The following RENBP variants were observed in gnomAD, a reference collection of about 807,000 sequenced individuals.
RENBP encodes N-acylglucosamine 2-epimerase.
In RENBP, 16 loss-of-function variants were observed where a neutral mutation model predicts 37.8. The ratio of observed to expected loss-of-function variants is 0.42; its 90% CI spans 0.29 to 0.64. RENBP has a LOEUF of 0.64. RENBP is among the 30% of genes least tolerant of loss of function. The probability of loss-of-function intolerance (pLI) is 0.19; values close to 1 mark genes in which losing one functional copy is unlikely to be tolerated. For missense variants in RENBP, 347 were observed against 379.5 expected, an observed-to-expected ratio of 0.91 and a Z score of 0.71; for synonymous variants, 170 against 154.8, an observed-to-expected ratio of 1.10 and a Z score of -0.73.
In RENBP at chrX:153,942,873, C is replaced by A; in HGVS notation, c.669G>T (p.Arg223Ser). ...YAELGDWCAR[R>S]ILQHVQRDGQ... ...CCCCCACCTGCACGTGCTGCAGAATCCTCCGGGCGCACCAGTCCCCCAGCT... is the reference window on the plus strand; with the variant it reads ...CCCCCACCTGCACGTGCTGCAGAATACTCCGGGCGCACCAGTCCCCCAGCT... Residue 223 changes from arginine to serine, a missense_variant, in exon 6 of 11, where the codon AGG becomes AGT. Around this residue, in one of 3 missense-constraint regions of RENBP, gnomAD observed 244 missense variants for 279.4 expected, o/e 0.87. Transcript: ENST00000393700. 2 of 1,191,662 alleles carry A rather than the reference C, an allele frequency of 1.7e-6. No homozygotes were observed. The highest frequency in any genetic ancestry group is 2.3e-6 in the Non-Finnish European group (2 of 881,943).
chrX:153,936,398 C>T (rs2065202286), intron 9 of RENBP, among the ~76,000 whole-genome samples: 1 of 101,553 alleles, frequency 9.8e-6, no homozygotes, highest in Non-Finnish European at 2.0e-5. Flanking sequence ...CCCAGCTACT[C>T]GGGAGGCTGA....
intron 9 of RENBP, among the ~76,000 whole-genome samples, chrX:153,936,505 CAAAA>C (rs782037368): frequency 2.8e-5 from 1 of 35,754 alleles, no homozygotes. Context: ...GACTCCGTCT[CAAAA>C]AAAAAAAAAA....
chrX:153,942,223 A>C, intron 6 of RENBP, 192 bp from the exon 7 acceptor site: 1 of 238,756 alleles, frequency 4.2e-6, no homozygotes, highest in Non-Finnish European at 7.1e-6. Flanking sequence ...GGGCCTAGCA[A>C]GTTGTTGTTT....
chrX:153,936,512 A>G (rs2065203383), intron 9 of RENBP, among the ~76,000 whole-genome samples: 1 of 109,311 alleles, frequency 9.1e-6, no homozygotes, highest in Non-Finnish European at 1.9e-5. Context: ...TCTCAAAAAA[A>G]AAAAAAAAAA....
chrX:153,944,588 C>A lies in RENBP; in HGVS notation c.23G>T (p.Arg8Leu). 8.6e-7 allele frequency: 1 copy of A among 1,168,114 alleles called. No individual in the cohort carries two copies. The highest frequency in any genetic ancestry group is 1.1e-6 in the Non-Finnish European group (1 of 873,116). The change falls in exon 1 of 11, where the codon CGA (arginine) becomes CTA (leucine). Residue 8 changes from arginine to leucine, a missense_variant. Around this residue, in one of 3 missense-constraint regions of RENBP, gnomAD observed 244 missense variants for 279.4 expected, o/e 0.87. Transcript: ENST00000393700. MSKGLPA[R>L]QDMEKERETL... ...CCCAAGCACCCCACCACTGGCCTGTCGCGCTGGGAGACCCTTGCTCATCCC... is the reference window on the plus strand; with the variant it reads ...CCCAAGCACCCCACCACTGGCCTGTAGCGCTGGGAGACCCTTGCTCATCCC...
intron 2 of RENBP, 50 bp downstream of exon 2, chrX:153,944,259 C>T: frequency 8.5e-7 from 1 of 1,177,348 alleles, no homozygotes. Context: ...GAGAAGGGGC[C>T]TCAGGAAGGG....
At chrX:153,939,709 C>G (rs1209874048) in intron 9 of RENBP, among the ~76,000 whole-genome samples, 1 of 111,033 alleles carries the variant, frequency 9.0e-6, no homozygotes, top group East Asian at 2.8e-4. Flanking sequence ...CTGCCAGGCC[C>G]CCCTGCTGTG....
chrX:153,942,571 T>C (rs1557109744), intron 6 of RENBP: 4 of 386,690 alleles, frequency 1.0e-5, no homozygotes, highest in Non-Finnish European at 1.3e-5. Context: ...ACTTCTGGCC[T>C]GATCCTCTCC....
chrX:153,943,147 G>T, intron 5 of RENBP, 68 bp from the exon 6 acceptor site: 1 of 848,355 alleles, frequency 1.2e-6, no homozygotes, highest in Non-Finnish European at 1.6e-6. Flanking sequence ...CCTGGACACG[G>T]CCCTGGGGTG....
intron 9 of RENBP, among the ~76,000 whole-genome samples, chrX:153,938,534 C>G (rs2065212385): frequency 1.9e-5 from 2 of 105,050 alleles, no homozygotes; most frequent in African/African-American, 8.0e-5. Flanking sequence ...GGCCTTGCCA[C>G]CACTGGGTGC....
chrX:153,937,607 AATTT>A (rs1370191194), intron 9 of RENBP, among the ~76,000 whole-genome samples: 2 of 109,480 alleles, frequency 1.8e-5, no homozygotes, highest in African/African-American at 6.7e-5. Flanking sequence ...AAGCCCGGCT[AATTT>A]ATTTATTTAT....
Position 153,940,243 on chromosome X carries a change from G to C in RENBP, c.946-10C>G, listed in dbSNP as rs1569546432. ...TCATGGCCCACTCCAGCTGAGGGGA[G>C]AGCAGGGGCAGGCATCTCAGCAGGA... On this transcript the variant is annotated splice_polypyrimidine_tract_variant and intron_variant, in intron 8 of 10. Coordinates refer to ENST00000393700, the MANE Select transcript of RENBP (RefSeq NM_002910.6). The C allele has an allele frequency of 8.3e-7, 1 of 1,210,475 alleles. No individual in the cohort carries two copies. The highest frequency in any genetic ancestry group is 3.0e-5 in the East Asian group (1 of 33,821).
chrX:153,944,048 G>A (rs1557110135), intron 3 of RENBP, 32 bp downstream of exon 3: 1 of 1,206,389 alleles, frequency 8.3e-7, no homozygotes, highest in Non-Finnish European at 1.1e-6. Context: ...GATGGGCCGT[G>A]TGCCTGAGCT....
chrX:153,935,282 G>T lies in RENBP; in HGVS notation c.*4C>A. 2.5e-6 allele frequency: 2 copies of T among 805,113 alleles called. No homozygotes were observed. Among genetic ancestry groups the T allele is most frequent in the South Asian group, 6.3e-5 (2 of 31,547 alleles). 66.4% of individuals were successfully genotyped at this position (805,113 alleles called of 1,213,427 possible). On this transcript the variant is annotated 3_prime_UTR_variant, in exon 11 of 11. Coordinates refer to ENST00000393700, the MANE Select transcript of RENBP (RefSeq NM_002910.6). ...CACAGCCGCAGGTGGAGCGGACTCA[G>T]CCTTTATTCCGCGCCTCGGCAGGCG...
intron 6 of RENBP, 26 bp from the exon 7 acceptor site, chrX:153,942,057 G>A: frequency 1.8e-6 from 2 of 1,131,910 alleles, no homozygotes; most frequent in Non-Finnish European, 2.4e-6. Flanking sequence ...AGAAGGGAAT[G>A]TTGCCTCCAG....
chrX:153,944,280 G>T (rs782025635), intron 2 of RENBP, 29 bp downstream of exon 2: 8 of 1,181,422 alleles, frequency 6.8e-6, no homozygotes, highest in Non-Finnish European at 1.2e-6. Flanking sequence ...CAAAAACCCT[G>T]CTGAGGACTC....
intron 8 of RENBP, 37 bp from the exon 9 acceptor site, chrX:153,940,270 A>C: frequency 8.3e-7 from 1 of 1,201,793 alleles, no homozygotes. Flanking sequence ...TCAGCAGGAA[A>C]CTCCCCTCCG....
rs782741793 is a variant in RENBP, at chrX:153,944,024, G to GAGAC, written c.213+52_213+55dup. 1.5e-5 allele frequency: 18 copies of GAGAC among 1,202,172 alleles called. No homozygotes were observed. In the East Asian group the frequency reaches 4.7e-4, roughly 32 times the overall value. ...AAGTGGCCGGCTGGGGTGAGGTGGG[G>GAGAC]AGACCTTTGAGGCGATGGGCCGTGT... On this transcript the variant is annotated intron_variant, in intron 3 of 10. Coordinates refer to ENST00000393700, the MANE Select transcript of RENBP (RefSeq NM_002910.6).
chrX:153,935,450 A>G, intron 10 of RENBP, 39 bp downstream of exon 10: 2 of 1,155,282 alleles, frequency 1.7e-6, no homozygotes, highest in Non-Finnish European at 2.4e-6. Flanking sequence ...GGCAGCCGAG[A>G]GGCGCAACCC....
Sources: gnomAD v4.1 joint callset for allele counts (sites outside exome capture counted in the v4.1 genomes callset) on GRCh38, gnomAD v4.1.1 for gene constraint, gnomAD v4.1.1 regional missense constraint, MANE v1.5 for transcripts, NCBI Gene and HGNC (gene_info 2026-07-23, HGNC 2026-07-21) for gene names.